PPM1H: variants seen among roughly 807,000 people sequenced by gnomAD.
PPM1H encodes protein phosphatase, Mg2+/Mn2+ dependent 1H, also known as protein phosphatase 1H.
Under a neutral mutation model 54.9 loss-of-function variants are expected in PPM1H, and 27 were observed. The observed-to-expected ratio is 0.49, with a 90% CI of 0.36 to 0.68. The LOEUF is 0.68. Among genes scored for constraint, PPM1H ranks in the 30% least tolerant of loss-of-function variants. PPM1H has a pLI of 0.00. For synonymous variants in PPM1H, 305 were observed against 270.8 expected (o/e 1.13, Z -1.24); for missense variants, 596 against 667.8 (o/e 0.89, Z 1.19).
intron 1 of PPM1H, among the ~76,000 whole-genome samples, chr12:62,864,116 G>A (rs969464160): frequency 6.6e-6 from 1 of 152,170 alleles, no homozygotes; most frequent in Non-Finnish European, 1.5e-5. Context: ...GGCATCTAGT[G>A]GGCAGAGCCC....
chr12:62,786,188 G>A (rs1481457096), intron 4 of PPM1H, among the ~76,000 whole-genome samples: 2 of 152,240 alleles, frequency 1.3e-5, no homozygotes, highest in Non-Finnish European at 2.9e-5. Context: ...GCAATGAATT[G>A]CCTCCTTTGC....
At chr12:62,762,181 C>T (rs539508676) in intron 4 of PPM1H, among the ~76,000 whole-genome samples, 2 of 152,214 alleles carry the variant, frequency 1.3e-5, no homozygotes, top group Non-Finnish European at 2.9e-5. Context: ...TTCTGTCTTG[C>T]ACAGGTGGTC....
intron 1 of PPM1H, among the ~76,000 whole-genome samples, chr12:62,892,471 T>C (rs748140585): frequency 3.9e-5 from 6 of 152,218 alleles, no homozygotes; most frequent in Non-Finnish European, 8.8e-5. Context: ...TCCTGGTTGC[T>C]TCTTTGCAAA....
intron 1 of PPM1H, among the ~76,000 whole-genome samples, chr12:62,932,628 C>CTGTTTTTTTTTTTTTTTTTTT (rs1872176806): frequency 1.9e-5 from 1 of 54,012 alleles, no homozygotes; most frequent in African/African-American, 7.0e-5. Flanking sequence ...TCCAAATGGG[C>CTGTTTTTTTTTTTTTTTTTTT]TTTTTTTTTT....
intron 1 of PPM1H, chr12:62,850,809 C>T (rs1869156116): frequency 6.6e-6 from 1 of 151,600 alleles, no homozygotes; most frequent in African/African-American, 2.4e-5. Context: ...TTGGGGAAAT[C>T]ACAGGGGTCA....
At chr12:62,845,679 G>A (rs1265495967) in intron 1 of PPM1H, among the ~76,000 whole-genome samples, 3 of 152,120 alleles carry the variant, frequency 2.0e-5, no homozygotes, top group South Asian at 2.1e-4. Context: ...CTGGGAGATC[G>A]TCTCTATTCC....
At chr12:62,654,476 G>T (rs1053440742) in intron 9 of PPM1H, among the ~76,000 whole-genome samples, 1 of 152,188 alleles carries the variant, frequency 6.6e-6, no homozygotes, top group African/African-American at 2.4e-5. Context: ...CACCCCAAGG[G>T]AAGAATCAGG....
At chr12:62,677,016 T>A (rs1017201552) in intron 8 of PPM1H, among the ~76,000 whole-genome samples, 1 of 152,012 alleles carries the variant, frequency 6.6e-6, no homozygotes, top group Non-Finnish European at 1.5e-5. Flanking sequence ...TTGCACTTCC[T>A]CCCTTCTGAA....
intron 2 of PPM1H, among the ~76,000 whole-genome samples, chr12:62,807,495 T>C (rs2076811695): frequency 6.6e-6 from 1 of 152,116 alleles, no homozygotes; most frequent in Non-Finnish European, 1.5e-5. Flanking sequence ...TGATTACAGG[T>C]GAGAAGATTT....
chr12:62,741,159 C>T (rs2076379129), intron 4 of PPM1H, among the ~76,000 whole-genome samples: 1 of 152,122 alleles, frequency 6.6e-6, no homozygotes, highest in Admixed American at 6.5e-5. Flanking sequence ...GTTGCTCGTC[C>T]CAGAAGACAG....
At chr12:62,864,538 A>G (rs1869709976) in intron 1 of PPM1H, among the ~76,000 whole-genome samples, 1 of 152,238 alleles carries the variant, frequency 6.6e-6, no homozygotes, top group Non-Finnish European at 1.5e-5. Context: ...GTTTAGAACA[A>G]CCAAGTTACT....
rs545044407 is a variant in PPM1H at position 62,831,681 on chromosome 12, T to C, written c.411+433A>G. On this transcript the variant is annotated intron_variant, in intron 2 of 9. Transcript: ENST00000228705. Reference sequence around the variant, plus strand: ...TTACAAAGACCTAGAAGTGGCTCCTTTGAAACCGTCAAACATTGTGTGTGT... The same window carrying C: ...TTACAAAGACCTAGAAGTGGCTCCTCTGAAACCGTCAAACATTGTGTGTGT... Among the ~76,000 whole-genome samples, 47 of 150,626 alleles carry C rather than the reference T, an allele frequency of 3.1e-4. 1 individual carries two copies. The highest frequency in any genetic ancestry group is 6.5e-4 in the Non-Finnish European group (44 of 67,760).
chr12:62,716,188 G>C (rs1017701054), intron 6 of PPM1H, among the ~76,000 whole-genome samples: 3 of 152,050 alleles, frequency 2.0e-5, no homozygotes, highest in Non-Finnish European at 4.4e-5. Context: ...AGTAAGGGGG[G>C]GTCATTCCAC....
At chr12:62,843,418 C>T (rs1868831722) in intron 1 of PPM1H, among the ~76,000 whole-genome samples, 1 of 152,216 alleles carries the variant, frequency 6.6e-6, no homozygotes, top group South Asian at 2.1e-4. Context: ...TTATTATCCT[C>T]ATTTTATTGG....
At chr12:62,855,652 G>A (rs1869357397) in intron 1 of PPM1H, among the ~76,000 whole-genome samples, 1 of 152,156 alleles carries the variant, frequency 6.6e-6, no homozygotes. Context: ...TCAGTAGAAA[G>A]TTCAAGACTT....
intron 1 of PPM1H, among the ~76,000 whole-genome samples, chr12:62,853,715 A>G (rs1869278531): frequency 6.6e-6 from 1 of 152,154 alleles, no homozygotes; most frequent in African/African-American, 2.4e-5. Context: ...CTATGGGAAA[A>G]ACTCATTGAT....
At chr12:62,932,860 C>G (rs1872190118) in intron 1 of PPM1H, among the ~76,000 whole-genome samples, 1 of 151,960 alleles carries the variant, frequency 6.6e-6, no homozygotes. Context: ...GTCTCGAACT[C>G]CTGACCTCAC....
chr12:62,776,481 C>T (rs1592593826), intron 4 of PPM1H, among the ~76,000 whole-genome samples: 1 of 152,128 alleles, frequency 6.6e-6, no homozygotes, highest in Admixed American at 6.5e-5. Context: ...TTTTTTTGAT[C>T]ATAGCTACGT....
At chr12:62,883,744 C>A (rs2121052349) in intron 1 of PPM1H, among the ~76,000 whole-genome samples, 1 of 152,232 alleles carries the variant, frequency 6.6e-6, no homozygotes, top group East Asian at 1.9e-4. Context: ...AGTCAACTAT[C>A]CTGATTATAT....
Sources: gnomAD v4.1 joint callset for allele counts (sites outside exome capture counted in the v4.1 genomes callset) on GRCh38, gnomAD v4.1.1 for gene constraint, MANE v1.5 for transcripts, NCBI Gene and HGNC (gene_info 2026-07-23, HGNC 2026-07-21) for gene names.